Variants in ARHGAP26 observed in about 807,000 individuals in gnomAD.
The protein encoded by ARHGAP26 is rho GTPase-activating protein 26.
Under a neutral mutation model 104.8 loss-of-function variants are expected in ARHGAP26, and 38 were observed. That is an observed-to-expected ratio of 0.36 (90% confidence interval 0.28 to 0.48). The LOEUF (loss-of-function observed/expected upper bound fraction) is 0.48. ARHGAP26 is among the 20% of genes least tolerant of loss of function. ARHGAP26 has a pLI of 0.99. For missense variants in ARHGAP26, 704 were observed against 947.9 expected (o/e 0.74, Z 3.38); for synonymous variants, 341 against 340.0 (o/e 1.00, Z -0.03).
intron 6 of ARHGAP26, among the ~76,000 whole-genome samples, chr5:142,901,193 G>A (rs984870308): frequency 1.3e-5 from 2 of 152,162 alleles, no homozygotes; most frequent in African/African-American, 4.8e-5. Flanking sequence ...TTAAGTATAT[G>A]AAGCCGTGTG....
intron 11 of ARHGAP26, among the ~76,000 whole-genome samples, chr5:142,999,778 CTT>C (rs1776940541): frequency 6.6e-6 from 1 of 152,094 alleles, no homozygotes; most frequent in African/African-American, 2.4e-5. Flanking sequence ...AAAAAATTGA[CTT>C]GATTTAAATT....
intron 13 of ARHGAP26, among the ~76,000 whole-genome samples, chr5:143,038,491 A>G (rs1161963838): frequency 3.3e-5 from 5 of 152,088 alleles, no homozygotes; most frequent in Admixed American, 2.6e-4. Context: ...ATTTCTGGGA[A>G]TTGGTCTTGA....
At chr5:143,160,141 G>A (rs970323218) in intron 20 of ARHGAP26, among the ~76,000 whole-genome samples, 1 of 149,262 alleles carries the variant, frequency 6.7e-6, no homozygotes, top group African/African-American at 2.5e-5. Flanking sequence ...CTCACTGCAA[G>A]CTCTGCCTCC....
intron 14 of ARHGAP26, among the ~76,000 whole-genome samples, chr5:143,048,812 G>T (rs1784580871): frequency 6.6e-6 from 1 of 151,504 alleles, no homozygotes; most frequent in African/African-American, 2.4e-5. Flanking sequence ...TACTCAGGAG[G>T]CTGAGGCAGG....
Position 143,134,068 on chromosome 5 carries a change from C to A in ARHGAP26, c.1800C>A (p.Pro600=). Residue 600 remains proline, a synonymous_variant, in exon 19 of 23, where the codon CCC becomes CCA. Coordinates refer to ENST00000645722, the MANE Select transcript of ARHGAP26 (RefSeq NM_001135608.3). The stretch of plus-strand genomic sequence containing the variant: ...AGCCCCCGTCCTGCAGCGAGAGGCC[C>A]CTGACGCTCTTCCACACCGTTCAGT... ...DSKPPSCSER[P]LTLFHTVQST... The A allele has an allele frequency of 6.2e-7, 1 of 1,612,552 alleles. No individual in the cohort carries two copies. The highest frequency in any genetic ancestry group is 1.1e-5 in the South Asian group (1 of 90,688).
intron 1 of ARHGAP26, among the ~76,000 whole-genome samples, chr5:142,852,487 C>T (rs1034624880): frequency 2.0e-5 from 3 of 152,340 alleles, no homozygotes; most frequent in African/African-American, 7.2e-5. Context: ...GGGAGACTGT[C>T]TTGGAGCAGA....
chr5:142,974,327 G>A (rs1377466410), intron 11 of ARHGAP26, among the ~76,000 whole-genome samples: 1 of 151,850 alleles, frequency 6.6e-6, no homozygotes, highest in African/African-American at 2.4e-5. Context: ...GGCAGGAAGG[G>A]CTCTGGTTCT....
chr5:142,778,296 C>T (rs984003034), intron 1 of ARHGAP26, among the ~76,000 whole-genome samples: 1 of 152,152 alleles, frequency 6.6e-6, no homozygotes, highest in Non-Finnish European at 1.5e-5. Flanking sequence ...AATGCAAAGA[C>T]AAAATATTAT....
chr5:143,176,374 C>A (rs1803477093), intron 20 of ARHGAP26, among the ~76,000 whole-genome samples: 1 of 152,164 alleles, frequency 6.6e-6, no homozygotes, highest in Admixed American at 6.5e-5. Context: ...TGGGACTCTA[C>A]TTTGAAAGTA....
chr5:142,807,358 G>A (rs555331698), intron 1 of ARHGAP26, among the ~76,000 whole-genome samples: 3 of 152,270 alleles, frequency 2.0e-5, no homozygotes, highest in Non-Finnish European at 2.9e-5. Flanking sequence ...CCAAGCCAGG[G>A]TTCAAACCTA....
intron 10 of ARHGAP26, chr5:142,921,880 C>T (rs1238888026): frequency 6.6e-6 from 1 of 152,028 alleles, no homozygotes; most frequent in Non-Finnish European, 1.5e-5. Context: ...TTTTCTATAC[C>T]CTAAAACCTG....
At chr5:143,056,220 G>A in intron 16 of ARHGAP26, 134 bp downstream of exon 16, 1 of 653,586 alleles carries the variant, frequency 1.5e-6, no homozygotes, top group Non-Finnish European at 2.6e-6. Flanking sequence ...ACATACTCAT[G>A]AGATTCTAAC....
At chr5:142,854,961 A>AGCTTGTGGTATCCTTCC (rs1752110659) in intron 1 of ARHGAP26, among the ~76,000 whole-genome samples, 1 of 152,192 alleles carries the variant, frequency 6.6e-6, no homozygotes, top group Non-Finnish European at 1.5e-5. Flanking sequence ...GTTCTCCTTC[A>AGCTTGTGGTATCCTTCC]GCTTGTGGTA....
At chr5:142,901,376 T>G (rs776490992) in intron 6 of ARHGAP26, among the ~76,000 whole-genome samples, 1 of 152,220 alleles carries the variant, frequency 6.6e-6, no homozygotes, top group Non-Finnish European at 1.5e-5. Flanking sequence ...GTGTTTACTT[T>G]TGAGTAGTTT....
intron 1 of ARHGAP26, among the ~76,000 whole-genome samples, chr5:142,850,520 A>G (rs575052107): frequency 1.4e-4 from 21 of 152,370 alleles, no homozygotes; most frequent in Admixed American, 8.5e-4. Flanking sequence ...ATTAGGAGTC[A>G]GACCTATACT....
chr5:143,142,903 A>G (rs1483712156), intron 19 of ARHGAP26, among the ~76,000 whole-genome samples: 1 of 152,202 alleles, frequency 6.6e-6, no homozygotes, highest in Non-Finnish European at 1.5e-5. Context: ...AGCACAGGAA[A>G]GCCTCTGGGT....
intron 10 of ARHGAP26, among the ~76,000 whole-genome samples, chr5:142,916,607 G>A (rs1452740038): frequency 6.6e-6 from 1 of 152,100 alleles, no homozygotes; most frequent in Non-Finnish European, 1.5e-5. Flanking sequence ...ATCACAACAA[G>A]CAACTACAGC....
chr5:143,049,105 A>G (rs1457500580), intron 14 of ARHGAP26, among the ~76,000 whole-genome samples: 1 of 152,072 alleles, frequency 6.6e-6, no homozygotes, highest in East Asian at 1.9e-4. Flanking sequence ...TCATTCTTTT[A>G]TACATATTGG....
intron 12 of ARHGAP26, among the ~76,000 whole-genome samples, chr5:143,032,307 A>G (rs1781993672): frequency 6.6e-6 from 1 of 152,248 alleles, no homozygotes; most frequent in African/African-American, 2.4e-5. Flanking sequence ...AACCAGCCGA[A>G]GCCTCAACTG....
Sources: gnomAD v4.1 joint callset for allele counts (sites outside exome capture counted in the v4.1 genomes callset) on GRCh38, gnomAD v4.1.1 for gene constraint, MANE v1.5 for transcripts, NCBI Gene and HGNC (gene_info 2026-07-23, HGNC 2026-07-21) for gene names.